The following UACA variants were observed in gnomAD, a reference collection of about 807,000 sequenced individuals.
The protein encoded by UACA is uveal autoantigen with coiled-coil domains and ankyrin repeats, also known as nuclear membrane binding protein.
Under a neutral mutation model 160.5 loss-of-function variants are expected in UACA, and 112 were observed. That is an observed-to-expected ratio of 0.70 (90% CI 0.60 to 0.82). The LOEUF is 0.82. Ranked by LOEUF, UACA falls within the 40% of genes least tolerant of loss-of-function variation. The probability of loss-of-function intolerance (pLI) is 0.00; values close to 1 mark genes in which losing one functional copy is unlikely to be tolerated. For missense variants in UACA, 1,574 were observed against 1,614.6 expected, an observed-to-expected ratio of 0.97 and a Z score of 0.43; for synonymous variants, 557 against 568.4, an observed-to-expected ratio of 0.98 and a Z score of 0.29.
At chr15:70,763,675 G>A, upstream of UACA, 1 of 452,634 alleles carries the variant, frequency 2.2e-6, no homozygotes, top group Non-Finnish European at 3.5e-6. Context: ...TTTAAACTGA[G>A]TAACACCCTT....
At chr15:70,728,318 CT>C (rs1465478676) in intron 1 of UACA, among the ~76,000 whole-genome samples, 2 of 152,170 alleles carry the variant, frequency 1.3e-5, no homozygotes, top group Non-Finnish European at 2.9e-5. Flanking sequence ...AATCCCAGCA[CT>C]TTGGGAGGCC....
chr15:70,688,869 T>C (rs563553410), intron 5 of UACA, among the ~76,000 whole-genome samples: 1 of 152,234 alleles, frequency 6.6e-6, no homozygotes, highest in African/African-American at 2.4e-5. Flanking sequence ...TTGGAGATAT[T>C]TGGAAGGCCA....
In UACA at chr15:70,690,437, G is replaced by A. The variant is rs371805294; in HGVS notation, c.424+17C>T. 109 of 1,610,806 alleles carry A rather than the reference G, an allele frequency of 6.8e-5. No homozygotes were observed. In the African/African-American group the frequency reaches 1.2e-3, roughly 18 times the overall value. On this transcript the variant is annotated intron_variant, in intron 5 of 18. Coordinates refer to ENST00000322954, the MANE Select transcript of UACA (RefSeq NM_018003.4). ...CATTTTAACAAATATTTGTATCCAA[G>A]GGAAACCACTGCTCACCGGCATCGT...
chr15:70,710,623 G>A (rs1898656307), intron 1 of UACA, among the ~76,000 whole-genome samples: 1 of 152,186 alleles, frequency 6.6e-6, no homozygotes, highest in African/African-American at 2.4e-5. Context: ...CTGTAAATCA[G>A]GGTTCCCATG....
chr15:70,666,782 G>A lies in UACA; in HGVS notation c.3902C>T (p.Thr1301Ile). 1 of 1,610,682 alleles carries A rather than the reference G, an allele frequency of 6.2e-7. No individual in the cohort carries two copies. Among genetic ancestry groups the A allele is most frequent in the Non-Finnish European group, 8.5e-7 (1 of 1,179,230 alleles). Residue 1301 changes from threonine to isoleucine, a missense_variant, in exon 16 of 19, where the codon ACA (threonine) becomes ATA (isoleucine). Physicochemically the swap from Thr to Ile is moderately conservative, Grantham distance 89. Coordinates refer to ENST00000322954, the MANE Select transcript of UACA (RefSeq NM_018003.4). ...ERCDKSLTTI[T>I]ELQRRIQESA... ...TTCTTGTATTCTTCTTTGTAACTCT[G>A]TGATTGTTGTTAAGGACTTATCACA...
chr15:70,657,165 C>A, intron 18 of UACA, 38 bp from the exon 19 acceptor site: 1 of 1,541,500 alleles, frequency 6.5e-7, no homozygotes, highest in Non-Finnish European at 9.0e-7. Context: ...TATTTTATGT[C>A]ATCTTTGTTT....
At chr15:70,724,810 A>G (rs1371794025) in intron 1 of UACA, among the ~76,000 whole-genome samples, 2 of 152,036 alleles carry the variant, frequency 1.3e-5, no homozygotes, top group African/African-American at 2.4e-5. Context: ...CCAAGCCAGA[A>G]AAAAAAAGAT....
At chr15:70,680,177 G>A (rs1020575198) in intron 9 of UACA, 1 of 152,198 alleles carries the variant, frequency 6.6e-6, no homozygotes, top group Admixed American at 6.6e-5. Flanking sequence ...TCTGACCTGA[G>A]CAATATAAAA....
chr15:70,752,048 C>T (rs966940503), intron 1 of UACA, among the ~76,000 whole-genome samples: 2 of 151,924 alleles, frequency 1.3e-5, no homozygotes, highest in Non-Finnish European at 2.9e-5. Context: ...ACAGGCCTGA[C>T]CAACATGGAG....
chr15:70,742,498 A>G (rs998145462), intron 1 of UACA, among the ~76,000 whole-genome samples: 1 of 152,238 alleles, frequency 6.6e-6, no homozygotes, highest in African/African-American at 2.4e-5. Flanking sequence ...TCTTTTAGGT[A>G]TATGAATTTG....
intron 1 of UACA, among the ~76,000 whole-genome samples, chr15:70,738,035 G>C (rs1310662579): frequency 6.6e-6 from 1 of 151,984 alleles, no homozygotes; most frequent in African/African-American, 2.4e-5. Context: ...TGTTTTGAGG[G>C]GAAGATGAAT....
At chr15:70,746,686 A>C (rs1899717522) in intron 1 of UACA, among the ~76,000 whole-genome samples, 1 of 152,152 alleles carries the variant, frequency 6.6e-6, no homozygotes, top group African/African-American at 2.4e-5. Flanking sequence ...ATGCACACAT[A>C]TGTTTACTGC....
At chr15:70,672,110 A>C (rs1897158814) in intron 13 of UACA, 109 bp from the exon 14 acceptor site, 3 of 911,128 alleles carry the variant, frequency 3.3e-6, no homozygotes, top group Non-Finnish European at 3.2e-6. Flanking sequence ...CATTTTTGAC[A>C]TTCTTGTTTC....
intron 1 of UACA, among the ~76,000 whole-genome samples, chr15:70,741,779 C>A (rs1899544526): frequency 6.6e-6 from 1 of 152,156 alleles, no homozygotes; most frequent in South Asian, 2.1e-4. Flanking sequence ...CCTCACAATG[C>A]AAAAGTATTC....
chr15:70,735,682 G>A (rs529777663), intron 1 of UACA, among the ~76,000 whole-genome samples: 2 of 141,586 alleles, frequency 1.4e-5, no homozygotes, highest in Admixed American at 6.9e-5. Context: ...ATGTATTTTT[G>A]TTTGTTTGTT....
At chr15:70,702,392 C>T in intron 1 of UACA, 6 of 813,810 alleles carry the variant, frequency 7.4e-6, no homozygotes, top group Non-Finnish European at 7.4e-6. Context: ...TTCCATAGGA[C>T]TTGACAGCTG....
intron 1 of UACA, among the ~76,000 whole-genome samples, chr15:70,737,574 G>A (rs1292460828): frequency 6.6e-6 from 1 of 152,120 alleles, no homozygotes; most frequent in Non-Finnish European, 1.5e-5. Context: ...CAGGCATGGT[G>A]ACGGGCACCT....
intron 1 of UACA, among the ~76,000 whole-genome samples, chr15:70,713,344 T>C (rs1345326980): frequency 1.3e-5 from 2 of 152,016 alleles, no homozygotes; most frequent in African/African-American, 2.4e-5. Flanking sequence ...CGAGAAAGAA[T>C]AGGGAAGGAG....
the UACA span, among the ~76,000 whole-genome samples, chr15:70,771,261 C>A: frequency 6.6e-6 from 1 of 152,210 alleles, no homozygotes; most frequent in Non-Finnish European, 1.5e-5. Flanking sequence ...CCGTGATATT[C>A]ATCCTTGAGT....
Sources: gnomAD v4.1 joint callset for allele counts (sites outside exome capture counted in the v4.1 genomes callset) on GRCh38, gnomAD v4.1.1 for gene constraint, MANE v1.5 for transcripts, NCBI Gene and HGNC (gene_info 2026-07-23, HGNC 2026-07-21) for gene names.